MIEF2: variants seen among roughly 807,000 people sequenced by gnomAD.
MIEF2 encodes the protein mitochondrial elongation factor 2.
In MIEF2, 1 loss-of-function variant was observed where a neutral mutation model predicts 7.4. The observed-to-expected ratio is 0.14, with a 90% CI of 0.05 to 0.64. MIEF2 has a LOEUF of 0.64. Ranked by LOEUF, MIEF2 falls within the 30% of genes least tolerant of loss-of-function variation. The pLI, the probability that MIEF2 is intolerant of heterozygous loss-of-function variation, is 0.85. For synonymous variants in MIEF2, 275 were observed against 290.5 expected, an observed-to-expected ratio of 0.95 and a Z score of 0.54; for missense variants, 569 against 623.9, an observed-to-expected ratio of 0.91 and a Z score of 0.94.
Position 18,265,282 on chromosome 17 carries a change from T to G in MIEF2, c.*518T>G, listed in dbSNP as rs1352939961. ...ACCTGGTGCCCCTGAAGGACAGATT[T>G]TTGGCTGTTAAAGGATGGCATTTTC... is the stretch of plus-strand genomic sequence containing the variant. On this transcript the variant is annotated 3_prime_UTR_variant, in exon 4 of 4. Coordinates refer to ENST00000323019, the MANE Select transcript of MIEF2 (RefSeq NM_139162.4). The G allele has an allele frequency of 1.9e-5, 3 of 154,040 alleles. No individual in the cohort carries two copies. The highest frequency in any genetic ancestry group is 1.3e-4 in the Admixed American group (2 of 15,584). The allele number at this position is 154,040 out of a possible 1,614,324, so 9.5% of individuals were successfully genotyped here.
intron 1 of MIEF2, among the ~76,000 whole-genome samples, chr17:18,261,948 C>T (rs527518728): frequency 1.1e-3 from 165 of 152,356 alleles, no homozygotes; most frequent in Middle Eastern, 3.4e-3. Context: ...GCAGCTTGGG[C>T]CGTCTTACTC....
At chr17:18,261,764 C>CT (rs1224699525) in intron 1 of MIEF2, among the ~76,000 whole-genome samples, 1 of 152,202 alleles carries the variant, frequency 6.6e-6, no homozygotes, top group Non-Finnish European at 1.5e-5. Flanking sequence ...CTTCACCTTA[C>CT]TTTCTGTGTT....
chr17:18,264,176 C>A lies in MIEF2; in HGVS notation c.777C>A (p.Arg259=), dbSNP rs770428294. The A allele has an allele frequency of 2.5e-6, 4 of 1,593,204 alleles. No homozygotes were observed. The South Asian group carries it at 3.3e-5, about 13-fold the overall frequency. The change falls in exon 4 of 4, where the codon CGC becomes CGA. Residue 259 remains arginine, a synonymous_variant. Transcript: ENST00000323019. The stretch of plus-strand genomic sequence containing the variant: ...CCCGCGTCCTGCTGGAGCTACTCCG[C>A]AAGGCGCTGGCTGCTTCTGTCAACT... ...LSSRVLLELL[R]KALAASVNWP... is the part of the protein sequence containing the mutation.
At position 18,264,626 on chromosome 17, in the gene MIEF2, C is replaced by T. The variant is rs749267118; in HGVS notation, c.1227C>T (p.Ile409=). ...ERFLQALELL[I]GSLEQASLPC... ...TCCTGCAAGCCCTGGAGCTGCTCAT[C>T]GGCAGCCTGGAGCAGGCCAGCCTGC... is the stretch of plus-strand genomic sequence containing the variant. The change falls in exon 4 of 4, where the codon ATC becomes ATT. Residue 409 remains isoleucine (I), a synonymous_variant. Coordinates refer to ENST00000323019, the MANE Select transcript of MIEF2 (RefSeq NM_139162.4). The T allele has an allele frequency of 1.1e-5, 17 of 1,611,234 alleles. No individual in the cohort carries two copies. The East Asian group carries it at 2.9e-4, about 27-fold the overall frequency.
At chr17:18,262,918 G>GGGTT (rs1245095299) in intron 2 of MIEF2, 51 bp downstream of exon 2, 1 of 1,526,640 alleles carries the variant, frequency 6.6e-7, no homozygotes, top group Admixed American at 2.1e-5. Context: ...GAGGACAACA[G>GGGTT]GGTTGGGCTT....
rs1978665159 is a variant in MIEF2 at position 18,264,852 on chromosome 17, C to T, written c.*88C>T. ...CAGGGATTTGAATAGTGGTTTTTCT[C>T]TAGCTTTTTGCCAGAACAAAGGAGG... On this transcript the variant is annotated 3_prime_UTR_variant, in exon 4 of 4. Transcript: ENST00000323019. The T allele has an allele frequency of 2.7e-6, 4 of 1,497,806 alleles. No homozygotes were observed. The highest frequency in any genetic ancestry group is 2.7e-6 in the Non-Finnish European group (3 of 1,124,126). The allele number at this position is 1,497,806 out of a possible 1,614,324, so 92.8% of individuals were successfully genotyped here. A position where few individuals can be genotyped will look rare whatever the true frequency, so the allele number is the denominator to read the frequency against.
intron 1 of MIEF2, chr17:18,261,050 CTT>C: frequency 6.6e-7 from 1 of 1,511,962 alleles, no homozygotes; most frequent in Non-Finnish European, 9.0e-7. Context: ...GCTGCGCAAA[CTT>C]GGGTTATTTT....
In MIEF2 at chr17:18,263,124, C is replaced by T. The variant is rs751659308; in HGVS notation, c.186C>T (p.Asp62=). 1 of 1,613,640 alleles carries T rather than the reference C, an allele frequency of 6.2e-7. No individual in the cohort carries two copies. Among genetic ancestry groups the T allele is most frequent in the Non-Finnish European group, 8.5e-7 (1 of 1,180,042 alleles). ...DRATSPRDED[D]TKADSWKELS... is the part of the protein sequence containing the mutation. ...CCACTAGCCCGCGGGATGAGGATGA[C>T]ACCAAGGCAGACAGCTGGAAGGAAC... Residue 62 remains aspartate, a synonymous_variant, in exon 3 of 4, where the codon GAC becomes GAT. Coordinates refer to ENST00000323019, the MANE Select transcript of MIEF2 (RefSeq NM_139162.4).
At chr17:18,261,346 G>A (rs1978405892) in intron 1 of MIEF2, among the ~76,000 whole-genome samples, 1 of 152,180 alleles carries the variant, frequency 6.6e-6, no homozygotes, top group South Asian at 2.1e-4. Context: ...TGGGGCGAAT[G>A]GGCGGGTGTA....
intron 1 of MIEF2, chr17:18,261,229 A>C (rs1347252729): frequency 6.6e-7 from 1 of 1,519,952 alleles, no homozygotes; most frequent in African/African-American, 1.4e-5. Flanking sequence ...GGCGGGTGGC[A>C]GTATTGATCC....
At position 18,264,474 on chromosome 17, in the gene MIEF2, C is replaced by T; in HGVS notation, c.1075C>T (p.Leu359=). ...TGGGACTCGCCGGCGGCTGCTGCTG[C>T]TGCTGTGTGCTGTCTGCCGTGGTTG... ...DAGTRRRLLL[L]LCAVCRGCSA... Residue 359 remains leucine, a synonymous_variant, in exon 4 of 4, where the codon CTG becomes TTG. Coordinates refer to ENST00000323019, the MANE Select transcript of MIEF2 (RefSeq NM_139162.4). 1 of 1,605,194 alleles carries T rather than the reference C, an allele frequency of 6.2e-7. No individual in the cohort carries two copies.
intron 1 of MIEF2, among the ~76,000 whole-genome samples, chr17:18,262,049 G>A (rs980179439): frequency 1.3e-5 from 2 of 152,218 alleles, no homozygotes; most frequent in Admixed American, 1.3e-4. Flanking sequence ...AGACTGGCTG[G>A]GGCCCCAAAT....
chr17:18,262,109 G>A (rs993206002), intron 1 of MIEF2, among the ~76,000 whole-genome samples: 1 of 152,214 alleles, frequency 6.6e-6, no homozygotes, highest in African/African-American at 2.4e-5. Flanking sequence ...TATCATAGAG[G>A]GCTGCTGTGC....
chr17:18,263,577 C>T, intron 3 of MIEF2, 133 bp from the exon 4 acceptor site: 1 of 1,216,892 alleles, frequency 8.2e-7, no homozygotes, highest in South Asian at 1.5e-5. Flanking sequence ...AGGATCTGAA[C>T]TGAGTGCCTT....
At position 18,261,028 on chromosome 17, in the gene MIEF2, C is replaced by T. The variant is rs977813470; in HGVS notation, c.-8+291C>T. The T allele has an allele frequency of 1.5e-5, 21 of 1,426,440 alleles. No homozygotes were observed. The South Asian group carries it at 1.5e-4, about 10-fold the overall frequency. 88.4% of individuals were successfully genotyped at this position (1,426,440 alleles called of 1,614,324 possible). On this transcript the variant is annotated intron_variant, in intron 1 of 3. Coordinates refer to ENST00000323019, the MANE Select transcript of MIEF2 (RefSeq NM_139162.4). ...GGCGGAGGAGGGAAGGCCAAACGGC[C>T]TCCAGGGCCCCGCTGCGCAAACTTG...
chr17:18,264,143 C>T lies in MIEF2; in HGVS notation c.744C>T (p.Tyr248=), dbSNP rs1446339459. 1 of 1,563,972 alleles carries T rather than the reference C, an allele frequency of 6.4e-7. No individual in the cohort carries two copies. The highest frequency in any genetic ancestry group is 8.6e-7 in the Non-Finnish European group (1 of 1,159,950). The change falls in exon 4 of 4, where the codon TAC becomes TAT. Residue 248 remains tyrosine (Y), a synonymous_variant. Coordinates refer to ENST00000323019, the MANE Select transcript of MIEF2 (RefSeq NM_139162.4). The part of the protein sequence containing the change: ...SPWDRFLVGG[Y]LSSRVLLELL... ...GGGACCGCTTCCTGGTCGGGGGCTA[C>T]CTCTCCTCCCGCGTCCTGCTGGAGC...
intron 1 of MIEF2, among the ~76,000 whole-genome samples, chr17:18,262,021 T>G (rs1354673180): frequency 6.6e-6 from 1 of 152,214 alleles, no homozygotes; most frequent in Non-Finnish European, 1.5e-5. Context: ...TGGGGGTAAC[T>G]GGTCCCAGTG....
rs1463012130 is a variant in MIEF2, at chr17:18,264,733, G to A, written c.1334G>A (p.Ser445Asn). ...GACGACATTGGCTATGCGCTATACAGTGGCCTACAGGAGCCCGAGGGGCTG... is the reference window on the plus strand; with the variant it reads ...GACGACATTGGCTATGCGCTATACAATGGCCTACAGGAGCCCGAGGGGCTG... ...EIDDIGYALY[S>N]GLQEPEGLL The change falls in exon 4 of 4, where the codon AGT becomes AAT. Residue 445 changes from serine to asparagine, a missense_variant. Transcript: ENST00000323019. 1.9e-6 allele frequency: 3 copies of A among 1,611,372 alleles called. No individual in the cohort carries two copies. Among genetic ancestry groups the A allele is most frequent in the Admixed American group, 1.7e-5 (1 of 59,960 alleles).
chr17:18,262,994 T>C lies in MIEF2; in HGVS notation c.148-92T>C. ...CTTCATGGGAGCCCAGGGCACCTGC[T>C]TCTCCACCCAGCACGCTGGTCTGCT... On this transcript the variant is annotated intron_variant, in intron 2 of 3. Coordinates refer to ENST00000323019, the MANE Select transcript of MIEF2 (RefSeq NM_139162.4). 3.9e-6 allele frequency: 6 copies of C among 1,555,850 alleles called. No homozygotes were observed. The Admixed American group carries it at 7.2e-5, about 19-fold the overall frequency.
Sources: allele counts gnomAD v4.1 joint callset (sites outside exome capture counted in the v4.1 genomes callset), GRCh38; gene constraint gnomAD v4.1.1; transcripts MANE v1.5; gene names NCBI Gene and HGNC (gene_info 2026-07-23, HGNC 2026-07-21).